The following LIPC variants were observed in gnomAD, a reference collection of about 807,000 sequenced individuals.
LIPC encodes the protein lipase C, hepatic type.
Under a neutral mutation model 50.7 loss-of-function variants are expected in LIPC, and 44 were observed. That is an observed-to-expected ratio of 0.87 (90% CI 0.68 to 1.11). The LOEUF is 1.11. Among genes scored for constraint, LIPC ranks in the 50% most tolerant of loss-of-function variants. The pLI is 0.00. For missense variants in LIPC, 697 were observed against 648.2 expected, an observed-to-expected ratio of 1.08 and a Z score of -0.82; for synonymous variants, 271 against 256.4, an observed-to-expected ratio of 1.06 and a Z score of -0.54.
chr15:58,566,327 G>A (rs1894364540), intron 8 of LIPC: 1 of 985,340 alleles, frequency 1.0e-6, no homozygotes, highest in African/African-American at 1.7e-5. Flanking sequence ...GGCAGGATCG[G>A]ATGGACTCCA....
chr15:58,477,110 C>T (rs1891025687), intron 1 of LIPC, among the ~76,000 whole-genome samples: 1 of 152,182 alleles, frequency 6.6e-6, no homozygotes, highest in African/African-American at 2.4e-5. Context: ...AGATATTTTC[C>T]CTTCGACTAT....
intron 6 of LIPC, among the ~76,000 whole-genome samples, chr15:58,556,388 T>C (rs1893953080): frequency 1.3e-5 from 2 of 152,348 alleles, no homozygotes; most frequent in East Asian, 1.9e-4. Flanking sequence ...CCACAACTTC[T>C]AGTTCTCTTT....
chr15:58,484,483 A>T (rs1224267650), intron 1 of LIPC, among the ~76,000 whole-genome samples: 2 of 152,256 alleles, frequency 1.3e-5, no homozygotes, highest in Non-Finnish European at 1.5e-5. Context: ...TACAGCACCT[A>T]CTATGGGCCA....
chr15:58,505,283 C>G (rs1048284412), intron 1 of LIPC, among the ~76,000 whole-genome samples: 6 of 152,236 alleles, frequency 3.9e-5, no homozygotes, highest in Admixed American at 1.3e-4. Context: ...TCCCAGCCCC[C>G]CTACTCACCA....
At chr15:58,548,213 C>A in intron 5 of LIPC, 117 bp from the exon 6 acceptor site, 1 of 1,374,856 alleles carries the variant, frequency 7.3e-7, no homozygotes, top group Non-Finnish European at 1.0e-6. Context: ...CAAGCCCACC[C>A]TTGCCTGTTC....
Position 58,541,914 on chromosome 15 carries a change from C to T in LIPC, c.403C>T (p.Arg135Cys), listed in dbSNP as rs201014789. The T allele has an allele frequency of 2.0e-4, 330 of 1,611,824 alleles. 3 individuals are homozygous for T. Among genetic ancestry groups the T allele is most frequent in the South Asian group, 2.0e-3 (183 of 90,928 alleles). The change falls in exon 3 of 9, where the codon CGC (arginine) becomes TGC (cysteine). Residue 135 changes from arginine to cysteine, a missense_variant. By Grantham distance (180) the Arg-to-Cys change is radical. Coordinates refer to ENST00000299022, the MANE Select transcript of LIPC (RefSeq NM_000236.3). ...LAHDHYTIAV[R>C]NTRLVGKEVA... is the part of the protein sequence containing the mutation. ...CCACGACCACTACACCATCGCCGTC[C>T]GCAACACCCGCCTTGTGGGCAAGGA... is the stretch of plus-strand genomic sequence containing the variant.
At chr15:58,500,796 GAT>G (rs1328885749) in intron 1 of LIPC, among the ~76,000 whole-genome samples, 24 of 121,718 alleles carry the variant, frequency 2.0e-4, no homozygotes, top group Non-Finnish European at 3.2e-4. Flanking sequence ...TTTTAGATTT[GAT>G]ATCTCTTCTA....
intron 1 of LIPC, among the ~76,000 whole-genome samples, chr15:58,466,905 T>C (rs1894587010): frequency 6.6e-6 from 1 of 151,994 alleles, no homozygotes; most frequent in Non-Finnish European, 1.5e-5. Context: ...ATCCCAACTG[T>C]TATATATAAC....
chr15:58,499,251 G>C (rs1318161696), intron 1 of LIPC, among the ~76,000 whole-genome samples: 1 of 152,190 alleles, frequency 6.6e-6, no homozygotes, highest in African/African-American at 2.4e-5. Flanking sequence ...TCTAAACAAT[G>C]CCTTTGGGGA....
intron 1 of LIPC, among the ~76,000 whole-genome samples, chr15:58,471,135 T>TC (rs1894780675): frequency 1.1e-5 from 1 of 92,522 alleles, no homozygotes; most frequent in African/African-American, 4.9e-5. Context: ...TTCTTTTCTC[T>TC]TTTTTTTTTT....
chr15:58,563,401 A>C (rs1231806853), intron 7 of LIPC, 104 bp from the exon 8 acceptor site: 2 of 970,996 alleles, frequency 2.1e-6, no homozygotes, highest in Non-Finnish European at 3.2e-6. Context: ...TGCAGCAAAA[A>C]TCCCAAGTCA....
In LIPC at chr15:58,489,264, C is replaced by G. The variant is rs567630101; in HGVS notation, c.89-49069C>G. Among the ~76,000 whole-genome samples, 24 of 137,056 alleles carry G rather than the reference C, an allele frequency of 1.8e-4. No individual in the cohort carries two copies. The South Asian group carries it at 3.5e-3, about 20-fold the overall frequency. 89.9% of individuals were successfully genotyped at this position (137,056 alleles called of 152,430 possible). Reference sequence around the variant, plus strand: ...AAGCTTCCCAGGGTTCAGGAGCACTCTATTAAATAGCTGTTGTAATCACCC... The same window carrying G: ...AAGCTTCCCAGGGTTCAGGAGCACTGTATTAAATAGCTGTTGTAATCACCC... On this transcript the variant is annotated intron_variant, in intron 1 of 8. Coordinates refer to ENST00000299022, the MANE Select transcript of LIPC (RefSeq NM_000236.3).
intron 1 of LIPC, among the ~76,000 whole-genome samples, chr15:58,472,283 A>AG (rs1890837386): frequency 6.6e-6 from 1 of 151,014 alleles, no homozygotes. Context: ...AAAAAAAAAA[A>AG]AAAAAAAAAA....
At chr15:58,564,150 G>GTCTCTCTCTC (rs1555407708) in intron 8 of LIPC, 3 of 67,030 alleles carry the variant, frequency 4.5e-5, no homozygotes, top group Non-Finnish European at 5.6e-5. Context: ...AAATCTCGAT[G>GTCTCTCTCTC]TATCTCTCTC....
At chr15:58,432,181 C>G (rs1166102767) in intron 1 of LIPC, 61 bp downstream of exon 1, 1 of 1,248,904 alleles carries the variant, frequency 8.0e-7, no homozygotes, top group Admixed American at 1.7e-5. Flanking sequence ...ACGTGTGTCA[C>G]AAAGAATCCA....
intron 1 of LIPC, among the ~76,000 whole-genome samples, chr15:58,445,018 G>A (rs931524242): frequency 6.6e-6 from 1 of 152,234 alleles, no homozygotes; most frequent in East Asian, 1.9e-4. Flanking sequence ...CAGACAGGGG[G>A]CCTGTGCTGA....
chr15:58,517,109 C>T (rs186027035), intron 1 of LIPC, among the ~76,000 whole-genome samples: 1 of 152,346 alleles, frequency 6.6e-6, no homozygotes, highest in East Asian at 1.9e-4. Flanking sequence ...TTAATGATGA[C>T]AAAATATCCA....
intron 1 of LIPC, chr15:58,533,141 T>C (rs369744709): frequency 1.0e-6 from 1 of 984,602 alleles, no homozygotes; most frequent in Non-Finnish European, 1.2e-6. Flanking sequence ...TTATCACTGG[T>C]GTGACTACCT....
chr15:58,564,127 A>G lies in LIPC; in HGVS notation c.1388+404A>G, dbSNP rs1266513239. The G allele has an allele frequency of 4.7e-5, 10 of 214,914 alleles. No homozygotes were observed. In the Admixed American group the frequency reaches 5.2e-4, roughly 11 times the overall value. The allele number at this position is 214,914 out of a possible 1,614,324, so 13.3% of individuals were successfully genotyped here. A position where few individuals can be genotyped will look rare whatever the true frequency, so the allele number is the denominator to read the frequency against. On this transcript the variant is annotated intron_variant, in intron 8 of 8. Transcript: ENST00000299022. ...TTGCCCAAAGAAAATCTTTTAACAG[A>G]TCACAATATCAAAAATCTCGATGTA... is the stretch of plus-strand genomic sequence containing the variant.
Sources: allele counts gnomAD v4.1 joint callset (sites outside exome capture counted in the v4.1 genomes callset), GRCh38; gene constraint gnomAD v4.1.1; transcripts MANE v1.5; gene names NCBI Gene and HGNC (gene_info 2026-07-23, HGNC 2026-07-21).